The following FGF12 variants were observed in gnomAD, a reference collection of about 807,000 sequenced individuals.
FGF12 encodes fibroblast growth factor 12.
FGF12 carries 14 observed loss-of-function variants against 23.6 expected under a neutral mutation model. The observed-to-expected ratio is 0.59, with a 90% confidence interval of 0.39 to 0.93. The LOEUF is 0.93. Ranked by LOEUF, FGF12 falls within the 40% of genes least tolerant of loss-of-function variation. FGF12 has a pLI of 0.00. For missense variants in FGF12, 175 were observed against 217.8 expected (o/e 0.80, Z 1.24); for synonymous variants, 62 against 77.3 (o/e 0.80, Z 1.04).
intron 2 of FGF12, among the ~76,000 whole-genome samples, chr3:192,528,258 T>C (rs1725001677): frequency 6.6e-6 from 1 of 152,152 alleles, no homozygotes; most frequent in Non-Finnish European, 1.5e-5. Context: ...TTGGAAGAAA[T>C]TGGCCAAAAC....
At chr3:192,395,594 G>T (rs1051308829) in intron 2 of FGF12, among the ~76,000 whole-genome samples, 1 of 152,186 alleles carries the variant, frequency 6.6e-6, no homozygotes, top group Non-Finnish European at 1.5e-5. Flanking sequence ...TATGTAGAAA[G>T]CATTGAAATG....
chr3:192,613,598 C>T (rs1201640041), intron 2 of FGF12, among the ~76,000 whole-genome samples: 1 of 151,808 alleles, frequency 6.6e-6, no homozygotes, highest in Non-Finnish European at 1.5e-5. Flanking sequence ...CACAATTTTC[C>T]AGATATTTTA....
intron 2 of FGF12, among the ~76,000 whole-genome samples, chr3:192,511,893 G>C (rs1269137689): frequency 6.6e-5 from 10 of 151,992 alleles, no homozygotes; most frequent in African/African-American, 2.4e-4. Flanking sequence ...ATAATGTAGA[G>C]GAAAGACCGG....
At chr3:192,604,119 GA>G (rs1714237424) in intron 2 of FGF12, among the ~76,000 whole-genome samples, 1 of 152,146 alleles carries the variant, frequency 6.6e-6, no homozygotes, top group South Asian at 2.1e-4. Flanking sequence ...TCTGCAAGAA[GA>G]AAAATATGGC....
chr3:192,198,569 T>C (rs1018762149), intron 4 of FGF12, among the ~76,000 whole-genome samples: 3 of 152,176 alleles, frequency 2.0e-5, no homozygotes, highest in Non-Finnish European at 4.4e-5. Context: ...ATCTGTTCTC[T>C]AGGTATAAGT....
At chr3:192,679,648 CATAG>C (rs1717449681) in intron 2 of FGF12, among the ~76,000 whole-genome samples, 1 of 149,340 alleles carries the variant, frequency 6.7e-6, no homozygotes, top group Admixed American at 6.6e-5. Context: ...AAAAAAAAAT[CATAG>C]ATAGACATCT....
In FGF12 at chr3:192,493,177, T is replaced by C. The variant is rs560506824; in HGVS notation, c.14-132639A>G. 2.0e-5 allele frequency among the ~76,000 whole-genome samples: 3 copies of C among 152,218 alleles called. No individual in the cohort carries two copies. The South Asian group carries it at 6.2e-4, about 32-fold the overall frequency. Reference sequence around the variant, plus strand: ...ACAGCAGGAGTCCAGGGTCTCAGTCTAGGTGCTGAGACTGTGTGCCTTTAG... The same window carrying C: ...ACAGCAGGAGTCCAGGGTCTCAGTCCAGGTGCTGAGACTGTGTGCCTTTAG... On this transcript the variant is annotated intron_variant, in intron 2 of 5. Coordinates refer to ENST00000445105, the MANE Select transcript of FGF12 (RefSeq NM_004113.6).
chr3:192,641,167 G>A lies in FGF12; in HGVS notation c.13+86014C>T, dbSNP rs1560178536. On this transcript the variant is annotated intron_variant, in intron 2 of 5. Transcript: ENST00000445105. ...GTCGCCCAGGCTGGAGTGCAGTGGC[G>A]GGATCTCGGCTCACTGCAAGCTCCG... 2.8e-5 allele frequency among the ~76,000 whole-genome samples: 2 copies of A among 70,220 alleles called. 1 individual carries two copies. The highest frequency in any genetic ancestry group is 5.9e-5 in the Non-Finnish European group (2 of 33,616). The allele number at this position is 70,220 out of a possible 152,430, so 46.1% of individuals were successfully genotyped here.
Position 192,335,410 on chromosome 3 carries a change from T to C in FGF12, c.179A>G (p.Lys60Arg). 2.5e-6 allele frequency: 4 copies of C among 1,613,262 alleles called. No homozygotes were observed. The highest frequency in any genetic ancestry group is 3.4e-6 in the Non-Finnish European group (4 of 1,179,474). ...GLRVVAIQGV[K>R]ASLYVAMNGE... ...ATTCATGGCCACATAGAGGCTAGCC[T>C]TCACTCCTTGGATGGCCACTACACG... Residue 60 changes from lysine to arginine, a missense_variant, in exon 4 of 6, where the codon AAG (lysine) becomes AGG (arginine). Lys to Arg is a conservative substitution (Grantham distance 26). Transcript: ENST00000445105.
At chr3:192,387,823 G>T (rs537277021) in intron 2 of FGF12, among the ~76,000 whole-genome samples, 1 of 152,052 alleles carries the variant, frequency 6.6e-6, no homozygotes, top group African/African-American at 2.4e-5. Flanking sequence ...GGAGGTTGAC[G>T]CTGCGGTGAG....
chr3:192,710,959 T>C (rs1350730153), intron 2 of FGF12, among the ~76,000 whole-genome samples: 1 of 152,124 alleles, frequency 6.6e-6, no homozygotes, highest in Non-Finnish European at 1.5e-5. Flanking sequence ...GACCTAAAGA[T>C]ACGGACCTCA....
chr3:192,272,589 T>C (rs1001920184), intron 4 of FGF12, among the ~76,000 whole-genome samples: 1 of 152,140 alleles, frequency 6.6e-6, no homozygotes, highest in African/African-American at 2.4e-5. Flanking sequence ...TTGGTACTCT[T>C]TTAAATGATA....
chr3:192,161,638 T>C (rs1250527701), intron 5 of FGF12, among the ~76,000 whole-genome samples: 2 of 152,082 alleles, frequency 1.3e-5, no homozygotes, highest in African/African-American at 4.8e-5. Flanking sequence ...TGAGTTAACC[T>C]CTAGAAATGA....
chr3:192,612,851 C>T (rs1714599298), intron 2 of FGF12, among the ~76,000 whole-genome samples: 1 of 151,858 alleles, frequency 6.6e-6, no homozygotes, highest in Non-Finnish European at 1.5e-5. Context: ...CCCCCTGTTC[C>T]AAGAAACATG....
chr3:192,351,091 C>T (rs991598079), intron 3 of FGF12, among the ~76,000 whole-genome samples: 14 of 152,196 alleles, frequency 9.2e-5, no homozygotes, highest in African/African-American at 3.4e-4. Context: ...GTACTATTTG[C>T]TCTTACAATT....
At chr3:192,309,550 G>A (rs1283968186) in intron 4 of FGF12, among the ~76,000 whole-genome samples, 2 of 152,116 alleles carry the variant, frequency 1.3e-5, no homozygotes, top group Non-Finnish European at 2.9e-5. Flanking sequence ...CCTAAGGTGG[G>A]AGAGAGGTAC....
chr3:192,181,413 A>G (rs201848465), intron 4 of FGF12, among the ~76,000 whole-genome samples: 3 of 151,876 alleles, frequency 2.0e-5, no homozygotes, highest in East Asian at 1.9e-4. Flanking sequence ...TGACAAGATC[A>G]AGAGGATTTA....
chr3:192,158,413 T>TTCTTTCTCTC (rs1560171650), intron 5 of FGF12, among the ~76,000 whole-genome samples: 6 of 7,020 alleles, frequency 8.5e-4, no homozygotes, highest in African/African-American at 2.0e-3. Context: ...TTTTCTTTCT[T>TTCTTTCTCTC]TCTCTTTCTT....
intron 4 of FGF12, among the ~76,000 whole-genome samples, chr3:192,222,771 T>C (rs1718541495): frequency 6.6e-6 from 1 of 152,194 alleles, no homozygotes; most frequent in Non-Finnish European, 1.5e-5. Context: ...ATCTATTCCA[T>C]CAAAAAATAT....
Sources: allele counts gnomAD v4.1 joint callset (sites outside exome capture counted in the v4.1 genomes callset), GRCh38; gene constraint gnomAD v4.1.1; transcripts MANE v1.5; gene names NCBI Gene and HGNC (gene_info 2026-07-23, HGNC 2026-07-21).